Variants in MACROD2 observed in about 807,000 individuals in gnomAD.
MACROD2 encodes the protein mono-ADP ribosylhydrolase 2.
MACROD2 carries 36 observed loss-of-function variants against 70.4 expected under a neutral mutation model. The ratio of observed to expected loss-of-function variants is 0.51; its 90% CI spans 0.39 to 0.68. The LOEUF is 0.68. Among genes scored for constraint, MACROD2 ranks in the 30% least tolerant of loss-of-function variants. MACROD2 has a pLI of 0.00. For missense variants in MACROD2, 496 were observed against 538.4 expected, an observed-to-expected ratio of 0.92 and a Z score of 0.78; for synonymous variants, 172 against 178.8, an observed-to-expected ratio of 0.96 and a Z score of 0.30.
intron 5 of MACROD2, among the ~76,000 whole-genome samples, chr20:15,190,303 G>A (rs1601198247): frequency 6.6e-6 from 1 of 152,096 alleles, no homozygotes; most frequent in African/African-American, 2.4e-5. Context: ...GGAGTGCTGG[G>A]TGATAATACA....
intron 8 of MACROD2, among the ~76,000 whole-genome samples, chr20:15,607,981 G>T (rs945235114): frequency 6.6e-6 from 1 of 152,210 alleles, no homozygotes; most frequent in Non-Finnish European, 1.5e-5. Context: ...TAGTGCAACT[G>T]ATATTTTGGT....
chr20:15,902,945 A>G lies in MACROD2; in HGVS notation c.775+17134A>G, dbSNP rs7273939. On this transcript the variant is annotated intron_variant, in intron 10 of 17. Transcript: ENST00000684519. ...AGTGAGCCTGTGTGTGTGGTGGGGG[A>G]AATTAGGAGACAGCTGGGTTGGGTT... 9.0e-3 allele frequency among the ~76,000 whole-genome samples: 1,365 copies of G among 152,044 alleles called. 32 individuals are homozygous for G. The highest frequency in any genetic ancestry group is 0.053 in the East Asian group (270 of 5,140).
intron 5 of MACROD2, among the ~76,000 whole-genome samples, chr20:15,030,891 C>T (rs1345700352): frequency 6.6e-6 from 1 of 152,182 alleles, no homozygotes; most frequent in African/African-American, 2.4e-5. Flanking sequence ...CAGCCGGAAA[C>T]CTCTGAGGCT....
chr20:15,283,812 T>C (rs2077468103), intron 6 of MACROD2, among the ~76,000 whole-genome samples: 1 of 152,224 alleles, frequency 6.6e-6, no homozygotes, highest in Admixed American at 6.5e-5. Flanking sequence ...TCCAACATTT[T>C]ATCATGGAAA....
chr20:14,489,246 G>C (rs2084767445), intron 3 of MACROD2, among the ~76,000 whole-genome samples: 1 of 152,168 alleles, frequency 6.6e-6, no homozygotes, highest in Non-Finnish European at 1.5e-5. Flanking sequence ...GATTTTGTTT[G>C]GGAGGTGTAA....
intron 7 of MACROD2, among the ~76,000 whole-genome samples, chr20:15,483,876 A>G (rs966223783): frequency 5.9e-5 from 9 of 151,928 alleles, no homozygotes; most frequent in Non-Finnish European, 1.3e-4. Flanking sequence ...TATTGTTGGT[A>G]CATAGGAGAA....
At chr20:15,707,490 A>C (rs148742207) in intron 8 of MACROD2, among the ~76,000 whole-genome samples, 63 of 152,258 alleles carry the variant, frequency 4.1e-4, no homozygotes, top group Non-Finnish European at 7.4e-4. Context: ...AGATATCAAA[A>C]CATGTTTGCA....
At chr20:15,553,214 G>A (rs968082975) in intron 8 of MACROD2, among the ~76,000 whole-genome samples, 3 of 152,018 alleles carry the variant, frequency 2.0e-5, no homozygotes, top group South Asian at 2.1e-4. Flanking sequence ...GAGAACACAC[G>A]AGTCGACAAA....
chr20:14,546,167 A>T (rs1171587306), intron 4 of MACROD2, among the ~76,000 whole-genome samples: 1 of 152,344 alleles, frequency 6.6e-6, no homozygotes, highest in African/African-American at 2.4e-5. Flanking sequence ...TGTAGATATT[A>T]GGAACTGTTG....
rs140368199 is a variant in MACROD2, at chr20:15,796,623, G to A, written c.646-66122G>A. On this transcript the variant is annotated intron_variant, in intron 8 of 17. Coordinates refer to ENST00000684519, the MANE Select transcript of MACROD2 (RefSeq NM_001351661.2). ...TTAGTCTTCCCCTCTGAGAAACAGG[G>A]ATTATGGTCAAAAGTATAAGAGGTC... is the stretch of plus-strand genomic sequence containing the variant. 1.9e-3 allele frequency among the ~76,000 whole-genome samples: 290 copies of A among 152,296 alleles called. 3 individuals carry two copies. The highest frequency in any genetic ancestry group is 6.2e-3 in the African/African-American group (258 of 41,558).
At chr20:14,689,417 A>G (rs746288168) in intron 5 of MACROD2, among the ~76,000 whole-genome samples, 9 of 152,168 alleles carry the variant, frequency 5.9e-5, no homozygotes, top group Non-Finnish European at 8.8e-5. Flanking sequence ...AAAATGTGTG[A>G]TATATAATAG....
chr20:14,827,930 A>G (rs573507074), intron 5 of MACROD2, among the ~76,000 whole-genome samples: 192 of 152,220 alleles, frequency 1.3e-3, no homozygotes, highest in African/African-American at 4.4e-3. Context: ...AATTACATTC[A>G]TGAAACACTA....
At position 14,028,272 on chromosome 20, in the gene MACROD2, C is replaced by G. The variant is rs555226017; in HGVS notation, c.163+25868C>G. On this transcript the variant is annotated intron_variant, in intron 2 of 17. Transcript: ENST00000684519. ...GCAGCTACTCTCCCTCCCCACCCGC[C>G]CACCAAGCTTGAGCATCCCAGGTCC... Among the ~76,000 whole-genome samples the G allele has an allele frequency of 2.6e-5, 4 of 152,266 alleles. No homozygotes were observed. In the South Asian group the frequency reaches 6.2e-4, roughly 24 times the overall value.
chr20:14,944,548 T>C lies in MACROD2; in HGVS notation c.418+259589T>C, dbSNP rs567677262. Among the ~76,000 whole-genome samples the C allele has an allele frequency of 2.0e-5, 3 of 152,254 alleles. No homozygotes were observed. In the South Asian group the frequency reaches 6.2e-4, roughly 32 times the overall value. On this transcript the variant is annotated intron_variant, in intron 5 of 17. Coordinates refer to ENST00000684519, the MANE Select transcript of MACROD2 (RefSeq NM_001351661.2). ...ACATCATCCCATCTCTGGGATGCAA[T>C]GAAAAGGAGAAACCAAGAAGCACAT...
chr20:15,234,009 ATTCTTTT>A (rs2076987558), intron 6 of MACROD2, among the ~76,000 whole-genome samples: 13 of 39,950 alleles, frequency 3.3e-4, no homozygotes, highest in East Asian at 9.8e-4. Flanking sequence ...ATATATATAT[ATTCTTTT>A]TTTTTTTTTT....
intron 7 of MACROD2, among the ~76,000 whole-genome samples, chr20:15,498,074 T>C (rs1026606016): frequency 4.6e-5 from 7 of 152,206 alleles, no homozygotes; most frequent in Non-Finnish European, 8.8e-5. Flanking sequence ...CCAAATGTGG[T>C]AGACATTGCA....
intron 5 of MACROD2, among the ~76,000 whole-genome samples, chr20:14,974,710 C>T (rs1228459185): frequency 6.6e-6 from 1 of 152,122 alleles, no homozygotes; most frequent in Non-Finnish European, 1.5e-5. Flanking sequence ...GGAATACATA[C>T]CTTGACTTTA....
chr20:14,381,608 C>T (rs1393159068), intron 3 of MACROD2, among the ~76,000 whole-genome samples: 1 of 152,110 alleles, frequency 6.6e-6, no homozygotes, highest in Non-Finnish European at 1.5e-5. Context: ...GAACCATGCA[C>T]ATTATAAGAA....
At chr20:14,866,017 G>A (rs1326547941) in intron 5 of MACROD2, among the ~76,000 whole-genome samples, 1 of 152,064 alleles carries the variant, frequency 6.6e-6, no homozygotes, top group Non-Finnish European at 1.5e-5. Context: ...GCTTCATAAT[G>A]TCTGACTCCC....
Sources: allele counts gnomAD v4.1 joint callset (sites outside exome capture counted in the v4.1 genomes callset), GRCh38; gene constraint gnomAD v4.1.1; transcripts MANE v1.5; gene names NCBI Gene and HGNC (gene_info 2026-07-23, HGNC 2026-07-21).